Variants in CNTN2 observed in about 807,000 individuals in gnomAD.
CNTN2 encodes the protein contactin-2.
In CNTN2, 53 loss-of-function variants were observed where a neutral mutation model predicts 117.5. The observed-to-expected ratio is 0.45, with a 90% CI of 0.36 to 0.57. The LOEUF is 0.57. Among genes scored for constraint, CNTN2 ranks in the 20% least tolerant of loss-of-function variants. The pLI is 0.00. For synonymous variants in CNTN2, 530 were observed against 561.7 expected (o/e 0.94, Z 0.80); for missense variants, 1,106 against 1,404.3 (o/e 0.79, Z 3.39).
chr1:205,077,229 T>G lies in CNTN2; in HGVS notation c.*3464T>G. On this transcript the variant is annotated 3_prime_UTR_variant, in exon 23 of 23. Transcript: ENST00000331830. ...AAGGGGGCTCATCTAGGAATTCTGG[T>G]TACAGCCCAGTGCTCATCCCAGCGT... 1 of 152,288 alleles carries G rather than the reference T, an allele frequency of 6.6e-6. No individual in the cohort carries two copies. The highest frequency in any genetic ancestry group is 2.4e-5 in the African/African-American group (1 of 41,464). 9.4% of individuals were successfully genotyped at this position (152,288 alleles called of 1,614,324 possible).
chr1:205,046,038 C>A (rs1431915021), intron 1 of CNTN2, among the ~76,000 whole-genome samples: 3 of 152,168 alleles, frequency 2.0e-5, no homozygotes, highest in Non-Finnish European at 4.4e-5. Context: ...CCCCCTCATC[C>A]TTCAGGACTA....
intron 2 of CNTN2, among the ~76,000 whole-genome samples, chr1:205,055,935 T>C (rs1044859960): frequency 6.6e-6 from 1 of 152,144 alleles, no homozygotes; most frequent in Non-Finnish European, 1.5e-5. Flanking sequence ...TATATAAAAG[T>C]CTCCATGGCC....
intron 10 of CNTN2, 116 bp from the exon 11 acceptor site, chr1:205,064,206 T>C (rs1053937087): frequency 4.3e-6 from 5 of 1,162,624 alleles, no homozygotes; most frequent in Non-Finnish European, 6.0e-6. Flanking sequence ...TCTGGATGCA[T>C]TCTGGAAGAG....
chr1:205,057,732 T>C (rs1574640438), intron 2 of CNTN2, 189 bp from the exon 3 acceptor site: 1 of 541,280 alleles, frequency 1.8e-6, no homozygotes, highest in Non-Finnish European at 3.3e-6. Context: ...TAAAATGTCG[T>C]TCTTCAGTCG....
rs1654768048 is a variant in CNTN2, at chr1:205,074,597, T to C, written c.*832T>C. ...GGCTGGGTGACTAAAGGGCTTGTCTTGGTGGGGTCTCCCACCCCTCCAAGA... is the reference window on the plus strand; with the variant it reads ...GGCTGGGTGACTAAAGGGCTTGTCTCGGTGGGGTCTCCCACCCCTCCAAGA... On this transcript the variant is annotated 3_prime_UTR_variant, in exon 23 of 23. Transcript: ENST00000331830. The C allele has an allele frequency of 5.0e-6, 2 of 398,730 alleles. No individual in the cohort carries two copies. The highest frequency in any genetic ancestry group is 4.1e-5 in the African/African-American group (2 of 48,620). 24.7% of individuals were successfully genotyped at this position (398,730 alleles called of 1,614,324 possible). A position where few individuals can be genotyped will look rare whatever the true frequency, so the allele number is the denominator to read the frequency against.
chr1:205,053,792 T>A (rs998096217), intron 2 of CNTN2, among the ~76,000 whole-genome samples: 1 of 152,222 alleles, frequency 6.6e-6, no homozygotes, highest in Non-Finnish European at 1.5e-5. Context: ...CAGCGGTCAA[T>A]CCCACTAAAC....
In CNTN2 at chr1:205,053,102, C is replaced by T. The variant is rs1234573147; in HGVS notation, c.-84C>T. The T allele has an allele frequency of 4.8e-6, 5 of 1,046,770 alleles. No homozygotes were observed. The highest frequency in any genetic ancestry group is 6.9e-6 in the Non-Finnish European group (5 of 725,050). 64.8% of individuals were successfully genotyped at this position (1,046,770 alleles called of 1,614,324 possible). A position where few individuals can be genotyped will look rare whatever the true frequency, so the allele number is the denominator to read the frequency against. ...CTCCTTTCTGTCTGCCTCCCCAGGTCCTTTCTCAGCCTCCAGCTGGGCTGT... is the reference window on the plus strand; with the variant it reads ...CTCCTTTCTGTCTGCCTCCCCAGGTTCTTTCTCAGCCTCCAGCTGGGCTGT... On this transcript the variant is annotated splice_region_variant and 5_prime_UTR_variant, in exon 2 of 23. Transcript: ENST00000331830.
Position 205,064,617 on chromosome 1 carries a change from C to T in CNTN2, c.1392-6C>T, listed in dbSNP as rs749779814. 4.0e-5 allele frequency: 65 copies of T among 1,613,820 alleles called. No individual in the cohort carries two copies. Among genetic ancestry groups the T allele is most frequent in the Non-Finnish European group, 5.2e-5 (61 of 1,179,870 alleles). On this transcript the variant is annotated splice_region_variant and splice_polypyrimidine_tract_variant and intron_variant, in intron 11 of 22. Transcript: ENST00000331830. ...GTTGGCCACATCTGCCTTGTCCTTG[C>T]CACAGAGTGACTGTAACTCCAGATG...
At chr1:205,066,862 G>T (rs552445702) in intron 15 of CNTN2, among the ~76,000 whole-genome samples, 1 of 152,188 alleles carries the variant, frequency 6.6e-6, no homozygotes, top group African/African-American at 2.4e-5. Context: ...TGTTACTGGA[G>T]CAATGAAAAT....
In CNTN2 at chr1:205,059,909, A is replaced by G; in HGVS notation, c.797+227A>G. ...CATGGCCAGGATCACTTGGTCTTCC[A>G]GCAGTGCATGGCAGGCTCAGACAGC... On this transcript the variant is annotated intron_variant, in intron 7 of 22. Coordinates refer to ENST00000331830, the MANE Select transcript of CNTN2 (RefSeq NM_005076.5). The surrounding 1 kb of genome is among the most constrained non-coding windows in gnomAD (Gnocchi z 5.6). 2 of 558,200 alleles carry G rather than the reference A, an allele frequency of 3.6e-6. No individual in the cohort carries two copies. The highest frequency in any genetic ancestry group is 6.5e-6 in the Non-Finnish European group (2 of 309,440). 34.6% of individuals were successfully genotyped at this position (558,200 alleles called of 1,614,324 possible). A position where few individuals can be genotyped will look rare whatever the true frequency, so the allele number is the denominator to read the frequency against.
At chr1:205,072,215 A>C in intron 20 of CNTN2, 82 bp downstream of exon 20, 1 of 1,360,614 alleles carries the variant, frequency 7.3e-7, no homozygotes, top group Non-Finnish European at 1.0e-6. Flanking sequence ...CCCAATGATA[A>C]GACAAATGCT....
chr1:205,069,914 C>G lies in CNTN2; in HGVS notation c.2284C>G (p.Arg762Gly). Residue 762 changes from arginine (R) to glycine (G), a missense_variant, in exon 18 of 23, where the codon CGG becomes GGG. By Grantham distance (125) the Arg-to-Gly change is moderately radical. Coordinates refer to ENST00000331830, the MANE Select transcript of CNTN2 (RefSeq NM_005076.5). ...RQGSTHWQTA[R>G]VPGADAQYFV... is the part of the protein sequence containing the mutation. Reference sequence around the variant, plus strand: ...GGGCAGCACTCACTGGCAGACCGCCCGGGTGCCTGGCGCCGATGCCCAGTA... The same window carrying G: ...GGGCAGCACTCACTGGCAGACCGCCGGGGTGCCTGGCGCCGATGCCCAGTA... The G allele has an allele frequency of 6.2e-7, 1 of 1,613,850 alleles. No individual in the cohort carries two copies. Among genetic ancestry groups the G allele is most frequent in the Non-Finnish European group, 8.5e-7 (1 of 1,180,018 alleles).
chr1:205,053,141 T>G lies in CNTN2; in HGVS notation c.-45T>G. On this transcript the variant is annotated 5_prime_UTR_variant, in exon 2 of 23. Coordinates refer to ENST00000331830, the MANE Select transcript of CNTN2 (RefSeq NM_005076.5). ...CAGCTGGGCTGTCCCCAAGCTGAGC[T>G]GAGGCTCTTCTCCTCCGATCCCCAC... 3 of 1,541,466 alleles carry G rather than the reference T, an allele frequency of 1.9e-6. No individual in the cohort carries two copies. Among genetic ancestry groups the G allele is most frequent in the Non-Finnish European group, 2.7e-6 (3 of 1,125,654 alleles).
At chr1:205,052,568 C>G (rs2096454690) in intron 1 of CNTN2, among the ~76,000 whole-genome samples, 1 of 152,136 alleles carries the variant, frequency 6.6e-6, no homozygotes, top group Non-Finnish European at 1.5e-5. Context: ...AGGGTGTGGA[C>G]AAATCAGTGA....
At chr1:205,055,686 C>T (rs1453349333) in intron 2 of CNTN2, among the ~76,000 whole-genome samples, 2 of 152,150 alleles carry the variant, frequency 1.3e-5, no homozygotes, top group African/African-American at 4.8e-5. Flanking sequence ...GTTAAGAATG[C>T]TTGTGGTGGG....
Position 205,061,337 on chromosome 1 carries a change from G to C in CNTN2, c.890G>C (p.Ser297Thr). 6.2e-7 allele frequency: 1 copy of C among 1,614,098 alleles called. No individual in the cohort carries two copies. Among genetic ancestry groups the C allele is most frequent in the East Asian group, 2.2e-5 (1 of 44,874 alleles). The change falls in exon 8 of 23, where the codon AGC (serine) becomes ACC (threonine). Residue 297 changes from serine (S) to threonine (T), a missense_variant. By Grantham distance (58) the Ser-to-Thr change is moderately conservative. Coordinates refer to ENST00000331830, the MANE Select transcript of CNTN2 (RefSeq NM_005076.5). This position sits in a 1 kb window ranked among gnomAD's most constrained non-coding sequence, Gnocchi z 4.8. ...AEPTLQIPSV[S>T]FEDEGTYECE... ...CCCACCCTGCAGATCCCCAGCGTCA[G>C]CTTTGAGGATGAGGGCACCTACGAG...
rs1481846894 is a variant in CNTN2 at position 205,070,123 on chromosome 1, G to A, written c.2431+62G>A. On this transcript the variant is annotated intron_variant, in intron 18 of 22. Coordinates refer to ENST00000331830, the MANE Select transcript of CNTN2 (RefSeq NM_005076.5). ...CAGCCACTTGTCCACAGGGATGTGGGGTGGGGGAACGCTACTCATCTCCCA... is the reference window on the plus strand; with the variant it reads ...CAGCCACTTGTCCACAGGGATGTGGAGTGGGGGAACGCTACTCATCTCCCA... 2.6e-6 allele frequency: 4 copies of A among 1,512,640 alleles called. No individual in the cohort carries two copies. The African/African-American group carries it at 5.5e-5, about 21-fold the overall frequency. 93.7% of individuals were successfully genotyped at this position (1,512,640 alleles called of 1,614,324 possible).
intron 1 of CNTN2, among the ~76,000 whole-genome samples, chr1:205,044,468 G>A (rs1025447813): frequency 6.6e-6 from 1 of 151,956 alleles, no homozygotes; most frequent in Admixed American, 6.5e-5. Context: ...TGGGGGGGGG[G>A]GTCCAGTGAG....
At position 205,069,925 on chromosome 1, in the gene CNTN2, C is replaced by A. The variant is rs1265642245; in HGVS notation, c.2295C>A (p.Gly765=). 2 of 1,613,710 alleles carry A rather than the reference C, an allele frequency of 1.2e-6. No individual in the cohort carries two copies. The highest frequency in any genetic ancestry group is 4.5e-5 in the East Asian group (2 of 44,870). Residue 765 remains glycine, a synonymous_variant, in exon 18 of 23, where the codon GGC becomes GGA. Transcript: ENST00000331830. The part of the protein sequence containing the change: ...STHWQTARVP[G]ADAQYFVYSN... ...ACTGGCAGACCGCCCGGGTGCCTGG[C>A]GCCGATGCCCAGTACTTTGTCTACA...
Sources: gnomAD v4.1 joint callset for allele counts (sites outside exome capture counted in the v4.1 genomes callset) on GRCh38, gnomAD v4.1.1 for gene constraint, Gnocchi (gnomAD v3.1) non-coding constraint, MANE v1.5 for transcripts, NCBI Gene and HGNC (gene_info 2026-07-23, HGNC 2026-07-21) for gene names.